The following PTPRN2 variants were observed in gnomAD, a reference collection of about 807,000 sequenced individuals.
PTPRN2 encodes the protein receptor-type tyrosine-protein phosphatase N2.
Under a neutral mutation model 118.8 loss-of-function variants are expected in PTPRN2, and 74 were observed. The observed-to-expected ratio is 0.62, with a 90% CI of 0.52 to 0.76. The LOEUF is 0.76. Among genes scored for constraint, PTPRN2 ranks in the 30% least tolerant of loss-of-function variants. The pLI is 0.00. For missense variants in PTPRN2, 1,481 were observed against 1,394.4 expected, an observed-to-expected ratio of 1.06 and a Z score of -0.99; for synonymous variants, 641 against 608.0, an observed-to-expected ratio of 1.05 and a Z score of -0.80.
chr7:157,751,199 A>G (rs1585378743), intron 12 of PTPRN2, among the ~76,000 whole-genome samples: 1 of 152,312 alleles, frequency 6.6e-6, no homozygotes, highest in East Asian at 1.9e-4. Context: ...AACTGGAGAC[A>G]TGCTGACATG....
chr7:158,142,817 G>A (rs1445107511), intron 6 of PTPRN2, among the ~76,000 whole-genome samples: 1 of 152,226 alleles, frequency 6.6e-6, no homozygotes, highest in Non-Finnish European at 1.5e-5. Flanking sequence ...AAGGGCTGAA[G>A]GGCTGGACAG....
intron 11 of PTPRN2, among the ~76,000 whole-genome samples, chr7:157,923,024 G>A (rs1464012393): frequency 2.6e-5 from 4 of 152,190 alleles, no homozygotes; most frequent in Non-Finnish European, 4.4e-5. Flanking sequence ...GACCCCAGAG[G>A]CTGTTTACTC....
intron 12 of PTPRN2, among the ~76,000 whole-genome samples, chr7:157,713,589 C>T (rs1794204857): frequency 6.6e-6 from 1 of 152,166 alleles, no homozygotes. Context: ...GCCCGGCTCC[C>T]TCCCCGTCAC....
intron 1 of PTPRN2, among the ~76,000 whole-genome samples, chr7:158,571,108 GTGGCAAGGCTTGGAATATTTTT>G (rs1430274422): frequency 6.6e-6 from 1 of 152,022 alleles, no homozygotes; most frequent in Non-Finnish European, 1.5e-5. Flanking sequence ...TCCAAGCCCT[GTGGCAAGGCTTGGAATATTTTT>G]TGTTTTTGTT....
intron 11 of PTPRN2, among the ~76,000 whole-genome samples, chr7:157,921,262 C>T (rs1396450957): frequency 6.6e-6 from 1 of 152,132 alleles, no homozygotes; most frequent in African/African-American, 2.4e-5. Flanking sequence ...AACGCTAAGA[C>T]GTTCTGGAAA....
At chr7:157,905,915 G>T (rs1051379716) in intron 11 of PTPRN2, among the ~76,000 whole-genome samples, 8 of 152,270 alleles carry the variant, frequency 5.3e-5, no homozygotes, top group South Asian at 2.1e-4. Context: ...GTTTCTGGCC[G>T]AGCTGAAACG....
intron 13 of PTPRN2, among the ~76,000 whole-genome samples, chr7:157,667,018 G>C (rs1252614569): frequency 5.1e-5 from 6 of 118,472 alleles, no homozygotes; most frequent in African/African-American, 1.5e-4. Flanking sequence ...TGAGTACACA[G>C]CCTGACTTGC....
chr7:158,078,400 T>A (rs1812542733), intron 11 of PTPRN2, among the ~76,000 whole-genome samples: 1 of 152,238 alleles, frequency 6.6e-6, no homozygotes, highest in African/African-American at 2.4e-5. Context: ...GAGTTCTGTA[T>A]GTTGGTAACA....
At chr7:157,565,960 G>A (rs1436377914) in intron 21 of PTPRN2, among the ~76,000 whole-genome samples, 1 of 152,236 alleles carries the variant, frequency 6.6e-6, no homozygotes, top group Non-Finnish European at 1.5e-5. Context: ...CAGAACATGA[G>A]CCTGTTGACT....
intron 3 of PTPRN2, among the ~76,000 whole-genome samples, chr7:158,289,702 G>A (rs1464773523): frequency 6.6e-6 from 1 of 151,974 alleles, no homozygotes; most frequent in African/African-American, 2.4e-5. Flanking sequence ...GTTTTTGGTG[G>A]TGTTGTGTCT....
In PTPRN2 at chr7:157,797,238, C is replaced by T. The variant is rs557043647; in HGVS notation, c.1788+101435G>A. Among the ~76,000 whole-genome samples the T allele has an allele frequency of 5.3e-5, 8 of 152,330 alleles. No homozygotes were observed. In the South Asian group the frequency reaches 8.3e-4, roughly 16 times the overall value. ...ACGTGAAATGAGAAGTAGGTAGCCT[C>T]GAATCTGCACCCAGGCAGCCCCAAA... On this transcript the variant is annotated intron_variant, in intron 12 of 22. Coordinates refer to ENST00000389418, the MANE Select transcript of PTPRN2 (RefSeq NM_002847.5).
At chr7:158,138,633 G>A (rs1819074112) in intron 6 of PTPRN2, 118 bp from the exon 7 acceptor site, 1 of 870,402 alleles carries the variant, frequency 1.1e-6, no homozygotes. Context: ...GGCCACCTAG[G>A]GCCAGGCGCA....
At chr7:158,345,928 C>G (rs1356633724) in intron 2 of PTPRN2, among the ~76,000 whole-genome samples, 1 of 152,064 alleles carries the variant, frequency 6.6e-6, no homozygotes, top group African/African-American at 2.4e-5. Flanking sequence ...AGAACTCCCT[C>G]ACTATCACGA....
chr7:158,143,364 G>A (rs770631146), intron 6 of PTPRN2, among the ~76,000 whole-genome samples: 3 of 152,194 alleles, frequency 2.0e-5, no homozygotes, highest in African/African-American at 4.8e-5. Context: ...CGGCACAGCT[G>A]CAGGGAGACC....
rs1484011054 is a variant in PTPRN2 at position 157,576,467 on chromosome 7, G to T, written c.2783+146C>A. ...CACGTGCCGTTAACGGAGTCTTCCC[G>T]CCTCTCGCTTCCCTTCCCCTCCCCC... On this transcript the variant is annotated intron_variant, in intron 19 of 22. Coordinates refer to ENST00000389418, the MANE Select transcript of PTPRN2 (RefSeq NM_002847.5). 35 of 818,318 alleles carry T rather than the reference G, an allele frequency of 4.3e-5. No individual in the cohort carries two copies. The East Asian group carries it at 8.6e-4, about 20-fold the overall frequency. The allele number at this position is 818,318 out of a possible 1,614,324, so 50.7% of individuals were successfully genotyped here.
At chr7:157,912,562 T>A (rs1474136952) in intron 11 of PTPRN2, among the ~76,000 whole-genome samples, 1 of 152,220 alleles carries the variant, frequency 6.6e-6, no homozygotes, top group Non-Finnish European at 1.5e-5. Context: ...CTCCTTTAGC[T>A]CAAGATCTAA....
chr7:157,899,898 G>A (rs1797345273), intron 11 of PTPRN2, among the ~76,000 whole-genome samples: 1 of 152,276 alleles, frequency 6.6e-6, no homozygotes, highest in East Asian at 1.9e-4. Flanking sequence ...GGGAGGGGAG[G>A]ACACAAATGT....
At chr7:157,865,076 CA>C (rs1463172548) in intron 12 of PTPRN2, 2 of 152,540 alleles carry the variant, frequency 1.3e-5, no homozygotes, top group Admixed American at 6.5e-5. Context: ...GCTGGGTGGG[CA>C]GGGGGGTTGA....
intron 1 of PTPRN2, among the ~76,000 whole-genome samples, chr7:158,510,831 G>A (rs961431439): frequency 7.2e-5 from 11 of 152,308 alleles, no homozygotes; most frequent in East Asian, 3.9e-4. Context: ...CACTGAGGGC[G>A]TTTTGCAGGA....
Sources: gnomAD v4.1 joint callset for allele counts (sites outside exome capture counted in the v4.1 genomes callset) on GRCh38, gnomAD v4.1.1 for gene constraint, MANE v1.5 for transcripts, NCBI Gene and HGNC (gene_info 2026-07-23, HGNC 2026-07-21) for gene names.